The following LYAR variants were observed in gnomAD, a reference collection of about 807,000 sequenced individuals.
The protein encoded by LYAR is cell growth-regulating nucleolar protein.
LYAR carries 37 observed loss-of-function variants against 45.2 expected under a neutral mutation model. That is an observed-to-expected ratio of 0.82 (90% CI 0.63 to 1.08). The LOEUF (loss-of-function observed/expected upper bound fraction) is 1.08, where lower values mean the gene tolerates loss of function less well. LYAR is among the 50% of genes least tolerant of loss of function. LYAR has a pLI of 0.00. For missense variants in LYAR, 493 were observed against 451.0 expected (o/e 1.09, Z -0.84); for synonymous variants, 176 against 155.1 (o/e 1.14, Z -1.00).
In LYAR at chr4:4,279,673, T is replaced by C. The variant is rs778574400; in HGVS notation, c.314A>G (p.Asp105Gly). The change falls in exon 5 of 10, where the codon GAC (aspartate) becomes GGC (glycine). Residue 105 changes from aspartate to glycine, a missense_variant. Physicochemically the swap from Asp to Gly is moderately conservative, Grantham distance 94. Transcript: ENST00000343470. ...TTTTGCCTTTTTCCTGGGAACGTTG[T>C]CAAAAGCACTAATTTGCTCTAAAAG... ...RELLEQISAF[D>G]NVPRKKAKFQ... 8.1e-6 allele frequency: 13 copies of C among 1,614,114 alleles called. No individual in the cohort carries two copies. Among genetic ancestry groups the C allele is most frequent in the Non-Finnish European group, 1.1e-5 (13 of 1,179,974 alleles).
At chr4:4,277,667 G>A (rs1160758042) in intron 6 of LYAR, among the ~76,000 whole-genome samples, 4 of 152,208 alleles carry the variant, frequency 2.6e-5, no homozygotes, top group Admixed American at 2.6e-4. Context: ...TGCTGATCAG[G>A]ACCTGACATT....
chr4:4,274,642 T>G lies in LYAR; in HGVS notation c.557A>C (p.Lys186Thr), dbSNP rs1203042646. The stretch of plus-strand genomic sequence containing the variant: ...TTCTTCCTTTCTTTCTCTTTTATTC[T>G]TCTTCACCTCCCCTTGCTGTTCCAC... ...DAVEQQGEVK[K>T]NKRERKEERQ... is the part of the protein sequence containing the mutation. Residue 186 changes from lysine to threonine, a missense_variant, in exon 7 of 10, where the codon AAG (lysine) becomes ACG (threonine). By Grantham distance (78) the Lys-to-Thr change is moderately conservative. Coordinates refer to ENST00000343470, the MANE Select transcript of LYAR (RefSeq NM_017816.3). The G allele has an allele frequency of 6.2e-7, 1 of 1,614,076 alleles. No individual in the cohort carries two copies. The highest frequency in any genetic ancestry group is 8.5e-7 in the Non-Finnish European group (1 of 1,180,052).
intron 3 of LYAR, among the ~76,000 whole-genome samples, chr4:4,283,301 C>A (rs1320079688): frequency 2.0e-5 from 3 of 152,172 alleles, no homozygotes; most frequent in Non-Finnish European, 4.4e-5. Flanking sequence ...CAGGCGCCCA[C>A]CACCACGCCT....
Position 4,273,369 on chromosome 4 carries a change from C to T in LYAR, c.919+214G>A, listed in dbSNP as rs566479660. ...ACCTTCCTTCCCCAGAAGGGGGCAT[C>T]TCTCGGCCCCTCTCCCAACCTACAA... is the stretch of plus-strand genomic sequence containing the variant. On this transcript the variant is annotated intron_variant, in intron 8 of 9. Transcript: ENST00000343470. Among the ~76,000 whole-genome samples the T allele has an allele frequency of 5.9e-5, 9 of 152,278 alleles. No homozygotes were observed. The South Asian group carries it at 1.7e-3, about 28-fold the overall frequency.
At chr4:4,274,247 A>AG in intron 7 of LYAR, 120 bp downstream of exon 7, 1 of 1,165,072 alleles carries the variant, frequency 8.6e-7, no homozygotes, top group Admixed American at 2.4e-5. Flanking sequence ...AAAAAAAACA[A>AG]AAAAAAAAAA....
chr4:4,282,963 T>C (rs999537857), intron 3 of LYAR, among the ~76,000 whole-genome samples: 1 of 152,160 alleles, frequency 6.6e-6, no homozygotes, highest in African/African-American at 2.4e-5. Flanking sequence ...GTGATACCCA[T>C]GGTCTAATGA....
rs1271545206 is a variant in LYAR at position 4,279,477 on chromosome 4, C to A, written c.399G>T (p.Val133=). 6.2e-7 allele frequency: 1 copy of A among 1,613,004 alleles called. No individual in the cohort carries two copies. The highest frequency in any genetic ancestry group is 2.2e-5 in the East Asian group (1 of 44,884). The part of the protein sequence containing the change: ...KVHNESILDQ[V]WNIFSEASNS... Reference sequence around the variant, plus strand: ...TGGAAGCTTCAGAAAAGATATTCCACACCTGGTCCAGAATGGATTCATTAT... The same window carrying A: ...TGGAAGCTTCAGAAAAGATATTCCAAACCTGGTCCAGAATGGATTCATTAT... The change falls in exon 6 of 10, where the codon GTG becomes GTT. Residue 133 remains valine (V), a synonymous_variant. Coordinates refer to ENST00000343470, the MANE Select transcript of LYAR (RefSeq NM_017816.3).
intron 6 of LYAR, among the ~76,000 whole-genome samples, 185 bp from the exon 7 acceptor site, chr4:4,274,954 ACCACTTCCCCCAGT>A (rs963178137): frequency 1.3e-5 from 2 of 152,178 alleles, no homozygotes; most frequent in African/African-American, 4.8e-5. Context: ...AAAATGGGAA[ACCACTTCCCCCAGT>A]CCACACCCCT....
chr4:4,280,606 C>T (rs947803292), intron 4 of LYAR, among the ~76,000 whole-genome samples: 2 of 152,158 alleles, frequency 1.3e-5, no homozygotes, highest in African/African-American at 2.4e-5. Flanking sequence ...GCAGCAGAGA[C>T]GGAACTCACA....
intron 3 of LYAR, 95 bp from the exon 4 acceptor site, chr4:4,281,992 T>A: frequency 1.4e-6 from 1 of 740,668 alleles, no homozygotes; most frequent in Non-Finnish European, 2.4e-6. Context: ...GTCTACACTG[T>A]ATATTTTCAC....
chr4:4,289,019 C>T (rs76176748), intron 1 of LYAR, among the ~76,000 whole-genome samples: 2,759 of 152,304 alleles, frequency 0.018, 33 homozygotes, highest in South Asian at 0.066. Context: ...CCACGGGTAG[C>T]ATTCTGAGAA....
chr4:4,269,477 A>G (rs1169929204), intron 8 of LYAR, among the ~76,000 whole-genome samples: 2 of 152,182 alleles, frequency 1.3e-5, no homozygotes, highest in East Asian at 3.9e-4. Flanking sequence ...CCAAGCAGGA[A>G]TTCAGGGGTC....
chr4:4,289,246 C>T (rs1719755030), intron 1 of LYAR, among the ~76,000 whole-genome samples: 2 of 152,200 alleles, frequency 1.3e-5, no homozygotes, highest in African/African-American at 4.8e-5. Context: ...TCTCTGCCTC[C>T]TACCCCACCC....
At chr4:4,273,530 C>T (rs1719027065) in intron 8 of LYAR, 53 bp downstream of exon 8, 1 of 1,338,430 alleles carries the variant, frequency 7.5e-7, no homozygotes, top group South Asian at 1.2e-5. Context: ...CTGGGACTAT[C>T]AGCGAGAGCC....
intron 3 of LYAR, among the ~76,000 whole-genome samples, chr4:4,282,188 T>C (rs1719421278): frequency 6.6e-6 from 1 of 152,212 alleles, no homozygotes; most frequent in Non-Finnish European, 1.5e-5. Context: ...AGTGTACATA[T>C]ACTGAATAAA....
intron 4 of LYAR, among the ~76,000 whole-genome samples, chr4:4,280,379 T>C (rs1355818207): frequency 6.6e-6 from 1 of 152,094 alleles, no homozygotes; most frequent in Non-Finnish European, 1.5e-5. Flanking sequence ...CCTATCAAAA[T>C]CCAATGTGTG....
At position 4,273,703 on chromosome 4, in the gene LYAR, T is replaced by C. The variant is rs777173108; in HGVS notation, c.833-34A>G. The C allele has an allele frequency of 3.6e-5, 51 of 1,407,836 alleles. No individual in the cohort carries two copies. In the Middle Eastern group the frequency reaches 5.7e-4, roughly 16 times the overall value. The allele number at this position is 1,407,836 out of a possible 1,614,324, so 87.2% of individuals were successfully genotyped here. On this transcript the variant is annotated intron_variant, in intron 7 of 9. Coordinates refer to ENST00000343470, the MANE Select transcript of LYAR (RefSeq NM_017816.3). ...TTGGAAAGATTTTTTTTAAAGAAGA[T>C]TTTGCATTTACGCTAGCAGCTACCA...
chr4:4,278,713 A>C (rs758167749), intron 6 of LYAR, among the ~76,000 whole-genome samples: 1 of 152,222 alleles, frequency 6.6e-6, no homozygotes, highest in Non-Finnish European at 1.5e-5. Flanking sequence ...GTATTAAATA[A>C]ATGAATGAAT....
At position 4,283,801 on chromosome 4, in the gene LYAR, G is replaced by GA. The variant is rs1215627644; in HGVS notation, c.-53-7dup. 128 of 1,353,688 alleles carry GA rather than the reference G, an allele frequency of 9.5e-5. No homozygotes were observed. The highest frequency in any genetic ancestry group is 1.2e-4 in the East Asian group (5 of 41,982). 83.9% of individuals were successfully genotyped at this position (1,353,688 alleles called of 1,614,324 possible). On this transcript the variant is annotated splice_region_variant and splice_polypyrimidine_tract_variant and intron_variant, in intron 2 of 9. Coordinates refer to ENST00000343470, the MANE Select transcript of LYAR (RefSeq NM_017816.3). ...GACAGGTTTTAAGTCTTGTCCTAAGGAAAAAAAGACAATTATAATTATAAA... is the reference window on the plus strand; with the variant it reads ...GACAGGTTTTAAGTCTTGTCCTAAGGAAAAAAAAGACAATTATAATTATAAA...
Sources: allele counts gnomAD v4.1 joint callset (sites outside exome capture counted in the v4.1 genomes callset), GRCh38; gene constraint gnomAD v4.1.1; transcripts MANE v1.5; gene names NCBI Gene and HGNC (gene_info 2026-07-23, HGNC 2026-07-21).